NEBL: variants seen among roughly 807,000 people sequenced by gnomAD.
NEBL encodes LIM and SH3 protein 2.
Under a neutral mutation model 140.2 loss-of-function variants are expected in NEBL, and 122 were observed. The ratio of observed to expected loss-of-function variants is 0.87; its 90% CI spans 0.75 to 1.01. The LOEUF (loss-of-function observed/expected upper bound fraction) is 1.01, where lower values mean the gene tolerates loss of function less well. NEBL is among the 50% of genes least tolerant of loss of function. NEBL has a pLI of 0.00. For synonymous variants in NEBL, 436 were observed against 398.9 expected (o/e 1.09, Z -1.11); for missense variants, 1,365 against 1,231.3 (o/e 1.11, Z -1.62).
intron 2 of NEBL, among the ~76,000 whole-genome samples, chr10:21,115,463 G>A (rs898633493): frequency 6.6e-6 from 1 of 151,768 alleles, no homozygotes; most frequent in African/African-American, 2.4e-5. Context: ...TTCAGCTTTT[G>A]TGTGTCTGGG....
At chr10:20,817,541 A>C in intron 21 of NEBL, 59 bp downstream of exon 21, 3 of 1,304,142 alleles carry the variant, frequency 2.3e-6, no homozygotes, top group Non-Finnish European at 3.3e-6. Context: ...CAATCCCTTC[A>C]TTCACACGTG....
At chr10:21,219,058 C>T (rs1247193857) in intron 3 of NEBL, among the ~76,000 whole-genome samples, 2 of 152,186 alleles carry the variant, frequency 1.3e-5, no homozygotes, top group African/African-American at 4.8e-5. Context: ...TCAAAATAAT[C>T]CTCATGCCAC....
chr10:20,981,158 T>C (rs1000505692), intron 3 of NEBL, among the ~76,000 whole-genome samples: 1 of 152,152 alleles, frequency 6.6e-6, no homozygotes, highest in Non-Finnish European at 1.5e-5. Context: ...ATTCACTGTC[T>C]TACAACGTAG....
upstream of NEBL, among the ~76,000 whole-genome samples, chr10:21,176,098 G>T (rs929391846): frequency 2.0e-5 from 3 of 151,944 alleles, no homozygotes; most frequent in Non-Finnish European, 2.9e-5. Context: ...GACCTCCCAG[G>T]CTCAGGTGAT....
chr10:20,823,158 G>A (rs561908204), intron 19 of NEBL, 50 bp downstream of exon 19: 28 of 1,315,974 alleles, frequency 2.1e-5, no homozygotes, highest in Admixed American at 1.0e-4. Flanking sequence ...CTGTCATTAC[G>A]TGTTGATATA....
chr10:21,274,160 G>C (rs555974564), intron 1 of NEBL, among the ~76,000 whole-genome samples: 1 of 152,114 alleles, frequency 6.6e-6, no homozygotes, highest in Non-Finnish European at 1.5e-5. Context: ...AGAAAGTGAG[G>C]GCAAAATCCA....
At chr10:21,287,933 A>T (rs1013798622) in intron 1 of NEBL, among the ~76,000 whole-genome samples, 4 of 152,240 alleles carry the variant, frequency 2.6e-5, no homozygotes, top group Non-Finnish European at 2.9e-5. Context: ...GAAAAAAAAT[A>T]GGCAGAGCAT....
intron 2 of NEBL, among the ~76,000 whole-genome samples, chr10:21,083,249 C>G (rs1836469840): frequency 6.6e-6 from 1 of 152,148 alleles, no homozygotes; most frequent in Admixed American, 6.5e-5. Context: ...TAGCATGACC[C>G]CAGGGTAAGC....
At chr10:21,198,727 A>G (rs1841689434) in intron 3 of NEBL, among the ~76,000 whole-genome samples, 1 of 152,074 alleles carries the variant, frequency 6.6e-6, no homozygotes, top group Non-Finnish European at 1.5e-5. Flanking sequence ...ACCAGCCACT[A>G]GTGCCAGCTA....
rs149345768 is a variant in NEBL at position 21,151,032 on chromosome 10, G to C, written c.164+21351C>G. Among the ~76,000 whole-genome samples, 33 of 152,270 alleles carry C rather than the reference G, an allele frequency of 2.2e-4. No homozygotes were observed. In the South Asian group the frequency reaches 3.1e-3, roughly 14 times the overall value. ...TTGTTAGGGCAATTCCCTGACCTCT[G>C]AGCATCACTGAAAGGCAGAGACGGG... On this transcript the variant is annotated intron_variant, in intron 2 of 6. Transcript: ENST00000417816.
In NEBL at chr10:21,249,014, G is replaced by GTGTTTT. The variant is rs66830814; in HGVS notation, n.280-1031_280-1026dup. ...ATTTAAGTCCTTTGCTCATTTTTGG[G>GTGTTTT]TGTTTTTGTTTTTGTTTTTGTTTTT... On this transcript the variant is annotated intron_variant and non_coding_transcript_variant, in intron 2 of 8. Transcript: ENST00000675702. Among the ~76,000 whole-genome samples, 10 of 151,456 alleles carry GTGTTTT rather than the reference G, an allele frequency of 6.6e-5. No homozygotes were observed. In the South Asian group the frequency reaches 1.2e-3, roughly 19 times the overall value.
intron 3 of NEBL, among the ~76,000 whole-genome samples, chr10:21,011,482 G>A (rs1220202901): frequency 6.6e-6 from 1 of 152,178 alleles, no homozygotes; most frequent in African/African-American, 2.4e-5. Flanking sequence ...ATTTCCTCCT[G>A]CTTCCTGGTT....
At chr10:21,260,428 C>T (rs1175248623) in intron 1 of NEBL, among the ~76,000 whole-genome samples, 1 of 152,180 alleles carries the variant, frequency 6.6e-6, no homozygotes, top group Non-Finnish European at 1.5e-5. Context: ...TTCTTATTTG[C>T]AATTAGAAAC....
chr10:20,971,232 T>C (rs1836555520), intron 3 of NEBL, among the ~76,000 whole-genome samples: 1 of 152,164 alleles, frequency 6.6e-6, no homozygotes, highest in South Asian at 2.1e-4. Flanking sequence ...AGGCAAAATA[T>C]TATATCTATA....
intron 26 of NEBL, among the ~76,000 whole-genome samples, chr10:20,803,088 G>T (rs932171774): frequency 6.6e-6 from 1 of 152,036 alleles, no homozygotes; most frequent in African/African-American, 2.4e-5. Context: ...ACCCCACCTC[G>T]ACCACAAGCA....
upstream of NEBL, among the ~76,000 whole-genome samples, chr10:21,177,137 G>A (rs532964533): frequency 3.9e-5 from 6 of 152,190 alleles, no homozygotes; most frequent in East Asian, 9.7e-4. Flanking sequence ...GACTTCCTTC[G>A]GCCAATGGAA....
At chr10:21,095,426 A>G (rs1271953019) in intron 2 of NEBL, among the ~76,000 whole-genome samples, 3 of 152,220 alleles carry the variant, frequency 2.0e-5, no homozygotes, top group East Asian at 3.8e-4. Context: ...TAGAATTTTA[A>G]AATTCTAAAT....
chr10:20,985,054 G>A (rs1375645449), intron 3 of NEBL, among the ~76,000 whole-genome samples: 1 of 152,108 alleles, frequency 6.6e-6, no homozygotes, highest in African/African-American at 2.4e-5. Flanking sequence ...TAAGCTCGGG[G>A]CACTCACTGA....
intron 4 of NEBL, among the ~76,000 whole-genome samples, chr10:20,930,668 C>T (rs1834139507): frequency 1.3e-5 from 2 of 152,144 alleles, no homozygotes; most frequent in African/African-American, 2.4e-5. Context: ...AACTTTCCCA[C>T]TTGCTACCCC....
Sources: gnomAD v4.1 joint callset for allele counts (sites outside exome capture counted in the v4.1 genomes callset) on GRCh38, gnomAD v4.1.1 for gene constraint, MANE v1.5 for transcripts, NCBI Gene and HGNC (gene_info 2026-07-23, HGNC 2026-07-21) for gene names.